Variants in CCND3 observed in about 807,000 individuals in gnomAD.
The protein encoded by CCND3 is G1/S-specific cyclin-D3.
Under a neutral mutation model 28.7 loss-of-function variants are expected in CCND3, and 9 were observed. The observed-to-expected ratio is 0.31, with a 90% confidence interval of 0.19 to 0.55. The LOEUF (loss-of-function observed/expected upper bound fraction) is 0.55. CCND3 is among the 20% of genes least tolerant of loss of function. The probability of loss-of-function intolerance (pLI) is 0.93; values close to 1 mark genes in which losing one functional copy is unlikely to be tolerated. For synonymous variants in CCND3, 164 were observed against 163.9 expected (o/e 1.00, Z 0.00); for missense variants, 315 against 385.8 (o/e 0.82, Z 1.54).
intron 1 of CCND3, among the ~76,000 whole-genome samples, chr6:41,972,120 C>T (rs1460581510): frequency 1.3e-5 from 2 of 148,664 alleles, no homozygotes; most frequent in African/African-American, 5.0e-5. Flanking sequence ...CCCAGCCATG[C>T]GGGAGGCTGA....
At chr6:41,997,285 C>T (rs998631738) in intron 1 of CCND3, among the ~76,000 whole-genome samples, 1 of 152,186 alleles carries the variant, frequency 6.6e-6, no homozygotes. Flanking sequence ...GCACTGTCTC[C>T]AGTTAGTACT....
At position 41,969,553 on chromosome 6, in the gene CCND3, C is replaced by T. The variant is rs112970465; in HGVS notation, c.-45-28968G>A. On this transcript the variant is annotated intron_variant, in intron 1 of 4. Transcript: ENST00000372988. ...GAGATCAAGACCATCCTGGCCAACA[C>T]GGTGAAACCCCGTCTCCACTAAAAA... is the stretch of plus-strand genomic sequence containing the variant. 9.8e-3 allele frequency among the ~76,000 whole-genome samples: 1,486 copies of T among 151,766 alleles called. 28 individuals are homozygous for T. Among genetic ancestry groups the T allele is most frequent in the African/African-American group, 0.034 (1,421 of 41,376 alleles).
At chr6:41,960,129 G>A (rs537545635) in intron 1 of CCND3, among the ~76,000 whole-genome samples, 10 of 152,222 alleles carry the variant, frequency 6.6e-5, no homozygotes, top group Non-Finnish European at 1.0e-4. Context: ...AAGAAGCCAC[G>A]TACAAAAGAC....
Position 42,048,139 on chromosome 6 carries a change from G to T in CCND3, c.-46+362C>A, listed in dbSNP as rs1562003536. The T allele has an allele frequency of 5.6e-6, 1 of 179,924 alleles. No individual in the cohort carries two copies. 11.1% of individuals were successfully genotyped at this position (179,924 alleles called of 1,614,324 possible). ...CCTCCAGTTTCATCCCGGTGCACTT[G>T]CCAGAGCACTCACAGACTCCCCATC... On this transcript the variant is annotated intron_variant, in intron 1 of 4. Coordinates refer to the CCND3 transcript ENST00000372988. The surrounding 1 kb of genome is among the most constrained non-coding windows in gnomAD (Gnocchi z 4.7).
intron 1 of CCND3, among the ~76,000 whole-genome samples, chr6:41,948,493 G>A (rs936129487): frequency 6.6e-6 from 1 of 151,976 alleles, no homozygotes; most frequent in Admixed American, 6.6e-5. Context: ...GCACTACCAC[G>A]TCTGGCTCAA....
intron 1 of CCND3, among the ~76,000 whole-genome samples, chr6:42,041,553 G>A (rs913083481): frequency 2.0e-5 from 3 of 152,178 alleles, no homozygotes; most frequent in Non-Finnish European, 2.9e-5. Flanking sequence ...AGCAGACACC[G>A]CTTACAGAAA....
intron 1 of CCND3, among the ~76,000 whole-genome samples, chr6:41,999,494 G>A (rs569369089): frequency 2.2e-4 from 33 of 152,218 alleles, no homozygotes; most frequent in African/African-American, 6.7e-4. Context: ...ATGAGCCACC[G>A]TGCCTGGCCG....
At chr6:42,006,226 A>C (rs1195300323) in intron 1 of CCND3, among the ~76,000 whole-genome samples, 1 of 151,656 alleles carries the variant, frequency 6.6e-6, no homozygotes, top group Non-Finnish European at 1.5e-5. Flanking sequence ...AAAAACAAAA[A>C]CTCACATCAT....
chr6:41,980,066 CTCTA>C (rs375179668), intron 1 of CCND3, among the ~76,000 whole-genome samples: 226 of 127,532 alleles, frequency 1.8e-3, no homozygotes, highest in East Asian at 0.015. Context: ...TCCTCTAATC[CTCTA>C]TCTATCTTAA....
intron 1 of CCND3, among the ~76,000 whole-genome samples, chr6:41,959,418 C>T (rs536760354): frequency 3.7e-4 from 56 of 152,282 alleles, no homozygotes; most frequent in African/African-American, 1.3e-3. Context: ...CAGTGGCTCA[C>T]GCCTGTGAGC....
chr6:42,031,209 G>T (rs1764031853), intron 1 of CCND3: 1 of 152,212 alleles, frequency 6.6e-6, no homozygotes, highest in South Asian at 2.1e-4. Context: ...AAAGAAATGT[G>T]TGCTCCACTT....
upstream of CCND3, among the ~76,000 whole-genome samples, chr6:41,945,009 G>C (rs1209575698): frequency 6.6e-6 from 1 of 152,050 alleles, no homozygotes; most frequent in Non-Finnish European, 1.5e-5. Context: ...TGTTTTTCTT[G>C]TTTTTGTTTT....
chr6:42,038,926 T>C (rs1764298788), intron 1 of CCND3, among the ~76,000 whole-genome samples: 1 of 152,352 alleles, frequency 6.6e-6, no homozygotes, highest in South Asian at 2.1e-4. Context: ...AGCATTGTAG[T>C]TGAAACCTTT....
At chr6:41,991,061 C>CT (rs574845287) in intron 1 of CCND3, among the ~76,000 whole-genome samples, 2,752 of 142,142 alleles carry the variant, frequency 0.019, 50 homozygotes, top group South Asian at 0.074. Context: ...GCTGGGAAAA[C>CT]TTTTTTTTTT....
At chr6:42,014,576 A>T (rs1240720765) in intron 1 of CCND3, among the ~76,000 whole-genome samples, 1 of 152,186 alleles carries the variant, frequency 6.6e-6, no homozygotes, top group Non-Finnish European at 1.5e-5. Flanking sequence ...GGGATACAAA[A>T]CTGTAACACA....
At chr6:41,950,880 T>G (rs1405014524) in intron 1 of CCND3, among the ~76,000 whole-genome samples, 1 of 151,850 alleles carries the variant, frequency 6.6e-6, no homozygotes, top group Admixed American at 6.6e-5. Context: ...AGCTAATTTT[T>G]TGTATTTTTA....
At chr6:42,034,083 A>G (rs1346752986) in intron 1 of CCND3, among the ~76,000 whole-genome samples, 2 of 151,620 alleles carry the variant, frequency 1.3e-5, no homozygotes, top group African/African-American at 2.4e-5. Flanking sequence ...GTTTGAGCCC[A>G]AGGCTGTGGT....
chr6:41,941,610 G>A lies in CCND3; in HGVS notation c.40C>T (p.Arg14Trp), dbSNP rs762507772. 3.8e-5 allele frequency: 58 copies of A among 1,524,624 alleles called. No homozygotes were observed. Among genetic ancestry groups the A allele is most frequent in the Non-Finnish European group, 4.7e-5 (53 of 1,133,704 alleles). 94.4% of individuals were successfully genotyped at this position (1,524,624 alleles called of 1,614,324 possible). A position where few individuals can be genotyped will look rare whatever the true frequency, so the allele number is the denominator to read the frequency against. Residue 14 changes from arginine to tryptophan, a missense_variant, in exon 1 of 5, where the codon CGG (arginine) becomes TGG (tryptophan). Coordinates refer to ENST00000372991, the MANE Select transcript of CCND3 (RefSeq NM_001760.5). The surrounding 1 kb of genome is among the most constrained non-coding windows in gnomAD (Gnocchi z 6.1). ...AGCAGCCGCGGGTCCGGCCCGGCCC[G>A]GGGCGCGTGCCGGGTGCCTTCGCAA... ...LCCEGTRHAP[R>W]AGPDPRLLGD...
intron 1 of CCND3, among the ~76,000 whole-genome samples, chr6:42,006,238 T>A (rs1213607126): frequency 6.6e-6 from 1 of 151,580 alleles, no homozygotes; most frequent in Non-Finnish European, 1.5e-5. Context: ...TCACATCATC[T>A]CATCTCAATA....
Sources: allele counts gnomAD v4.1 joint callset (sites outside exome capture counted in the v4.1 genomes callset), GRCh38; gene constraint gnomAD v4.1.1; non-coding constraint Gnocchi (gnomAD v3.1); transcripts MANE v1.5; gene names NCBI Gene and HGNC (gene_info 2026-07-23, HGNC 2026-07-21).